ZDHHC11: variants seen among roughly 807,000 people sequenced by gnomAD.
The protein encoded by ZDHHC11 is zDHHC palmitoyltransferase 11, also known as palmitoyltransferase ZDHHC11.
In ZDHHC11, 44 loss-of-function variants were observed where a neutral mutation model predicts 51.3. That is an observed-to-expected ratio of 0.86 (90% CI 0.67 to 1.10). The LOEUF (loss-of-function observed/expected upper bound fraction) is 1.10. Ranked by LOEUF, ZDHHC11 falls within the 50% of genes least tolerant of loss-of-function variation. The pLI, the probability that ZDHHC11 is intolerant of heterozygous loss-of-function variation, is 0.00. For missense variants in ZDHHC11, 400 were observed against 537.7 expected (o/e 0.74, Z 2.53); for synonymous variants, 163 against 222.0 (o/e 0.73, Z 2.36).
At chr5:834,265 C>A (rs1431208635) in intron 6 of ZDHHC11, among the ~76,000 whole-genome samples, 1 of 152,304 alleles carries the variant, frequency 6.6e-6, no homozygotes, top group African/African-American at 2.4e-5. Context: ...TTTCCATGTG[C>A]TTATGTGGCA....
intron 4 of ZDHHC11, chr5:841,629 G>A (rs1318053889): frequency 1.1e-5 from 11 of 992,674 alleles, no homozygotes; most frequent in East Asian, 2.2e-4. Context: ...CCCTGGACCC[G>A]CTGCACCCTA....
At chr5:857,472 A>G (rs1006140460) in intron 1 of ZDHHC11, among the ~76,000 whole-genome samples, 2 of 152,164 alleles carry the variant, frequency 1.3e-5, no homozygotes, top group East Asian at 1.9e-4. Context: ...ATCTGTGTAT[A>G]TGACACCAGG....
chr5:809,009 A>G (rs1299803891), intron 11 of ZDHHC11, among the ~76,000 whole-genome samples: 2 of 147,186 alleles, frequency 1.4e-5, no homozygotes, highest in African/African-American at 5.2e-5. Context: ...ACACACACAC[A>G]CACACGCACA....
chr5:809,115 T>TA (rs1343945727), intron 11 of ZDHHC11, among the ~76,000 whole-genome samples: 5 of 145,618 alleles, frequency 3.4e-5, no homozygotes, highest in African/African-American at 1.3e-4. Flanking sequence ...TACAAAAAAA[T>TA]AAAAAACAAA....
chr5:801,358 G>C (rs1025443026), intron 11 of ZDHHC11, among the ~76,000 whole-genome samples, 194 bp from the exon 12 acceptor site: 1 of 151,758 alleles, frequency 6.6e-6, no homozygotes, highest in Non-Finnish European at 1.5e-5. Flanking sequence ...ACTGCTGAAA[G>C]AATGTTGCTT....
At chr5:844,298 C>T (rs1209193660) in intron 3 of ZDHHC11, among the ~76,000 whole-genome samples, 5 of 152,298 alleles carry the variant, frequency 3.3e-5, no homozygotes, top group South Asian at 2.1e-4. Context: ...TTCTTGCAAA[C>T]GTGATTGCCT....
intron 4 of ZDHHC11, chr5:841,251 T>A (rs1341025604): frequency 2.0e-6 from 2 of 1,018,658 alleles, no homozygotes; most frequent in Non-Finnish European, 2.3e-6. Context: ...CCAGCACCCA[T>A]CCTTTCCTAA....
At chr5:834,331 G>C (rs1743491259) in intron 6 of ZDHHC11, among the ~76,000 whole-genome samples, 1 of 152,280 alleles carries the variant, frequency 6.6e-6, no homozygotes, top group Non-Finnish European at 1.5e-5. Flanking sequence ...CAAATCTTTT[G>C]CCCATTTTTT....
upstream of ZDHHC11, among the ~76,000 whole-genome samples, chr5:854,639 GTC>G (rs1747868619): frequency 4.6e-5 from 7 of 151,334 alleles, no homozygotes; most frequent in African/African-American, 1.7e-4. Flanking sequence ...GCGAGCCAGG[GTC>G]ACAGACCCCA....
At chr5:821,775 A>T in intron 9 of ZDHHC11, 86 bp downstream of exon 9, 1 of 1,337,220 alleles carries the variant, frequency 7.5e-7, no homozygotes, top group Non-Finnish European at 1.0e-6. Flanking sequence ...AATGGATGAC[A>T]TATTTTCCTA....
intron 2 of ZDHHC11, chr5:847,840 G>C (rs1178684564): frequency 1.1e-5 from 6 of 569,452 alleles, no homozygotes; most frequent in Non-Finnish European, 1.8e-5. Context: ...AGCAGGAGGA[G>C]CTGTGTCTTT....
upstream of ZDHHC11, among the ~76,000 whole-genome samples, chr5:854,025 G>A (rs923588565): frequency 1.3e-5 from 2 of 150,810 alleles, no homozygotes; most frequent in African/African-American, 4.9e-5. Flanking sequence ...AGCAAGCCAG[G>A]GGGACAGACC....
chr5:833,918 G>C, intron 6 of ZDHHC11, 111 bp from the exon 7 acceptor site: 1 of 1,160,594 alleles, frequency 8.6e-7, no homozygotes, highest in South Asian at 1.4e-5. Context: ...ATGGTACCTG[G>C]AGTTCTCTTG....
upstream of ZDHHC11, among the ~76,000 whole-genome samples, chr5:851,875 G>A (rs1235709163): frequency 6.6e-6 from 1 of 152,176 alleles, no homozygotes; most frequent in Non-Finnish European, 1.5e-5. Context: ...GGGCAACACG[G>A]CGAAACCCTG....
At chr5:844,571 G>T (rs1285552336) in intron 3 of ZDHHC11, among the ~76,000 whole-genome samples, 2 of 152,310 alleles carry the variant, frequency 1.3e-5, no homozygotes, top group South Asian at 2.1e-4. Flanking sequence ...CTGTGCTGGG[G>T]TCTCCATGGC....
chr5:848,598 C>G lies in ZDHHC11; in HGVS notation c.285G>C (p.Pro95=). The change falls in exon 2 of 13, where the codon CCG becomes CCC. Residue 95 remains proline, a synonymous_variant. Coordinates refer to ENST00000283441, the MANE Select transcript of ZDHHC11 (RefSeq NM_024786.3). ...VVHLIASCID[P]ADSNVRLMKN... is the part of the protein sequence containing the mutation. ...TCATGAGTCTGACATTGGAGTCGGC[C>G]GGGTCGATGCAGGACGCGATCAGGT... 1 of 1,597,734 alleles carries G rather than the reference C, an allele frequency of 6.3e-7. No individual in the cohort carries two copies. Among genetic ancestry groups the G allele is most frequent in the Non-Finnish European group, 8.5e-7 (1 of 1,173,544 alleles).
chr5:856,605 C>A (rs1258156363), intron 1 of ZDHHC11, among the ~76,000 whole-genome samples: 3 of 151,086 alleles, frequency 2.0e-5, no homozygotes, highest in Non-Finnish European at 4.4e-5. Context: ...CACCTCACGC[C>A]ACACATATGC....
chr5:816,274 T>C (rs1432828569), intron 10 of ZDHHC11: 6 of 249,686 alleles, frequency 2.4e-5, no homozygotes, highest in African/African-American at 1.4e-4. Flanking sequence ...GTTTTTGGGA[T>C]CTATCAAAGA....
intron 1 of ZDHHC11, among the ~76,000 whole-genome samples, chr5:857,576 T>TC (rs886354358): frequency 7.0e-6 from 1 of 142,858 alleles, no homozygotes; most frequent in African/African-American, 2.7e-5. Flanking sequence ...GACTCCGTGG[T>TC]CCCCCGAGTC....
Sources: gnomAD v4.1 joint callset for allele counts (sites outside exome capture counted in the v4.1 genomes callset) on GRCh38, gnomAD v4.1.1 for gene constraint, MANE v1.5 for transcripts, NCBI Gene and HGNC (gene_info 2026-07-23, HGNC 2026-07-21) for gene names.